PLA2G5: variants seen among roughly 807,000 people sequenced by gnomAD.
The protein encoded by PLA2G5 is Ca2+-dependent phospholipase A2.
A neutral mutation model predicts 15.9 loss-of-function variants in PLA2G5; 12 were observed. The observed-to-expected ratio is 0.76, with a 90% CI of 0.48 to 1.23. The LOEUF is 1.23. Among genes scored for constraint, PLA2G5 ranks in the 50% most tolerant of loss-of-function variants. PLA2G5 has a pLI of 0.00. For missense variants in PLA2G5, 169 were observed against 177.1 expected, an observed-to-expected ratio of 0.95 and a Z score of 0.26; for synonymous variants, 71 against 71.4, an observed-to-expected ratio of 0.99 and a Z score of 0.03.
intron 1 of PLA2G5, among the ~76,000 whole-genome samples, chr1:20,049,422 T>G (rs1265279994): frequency 2.7e-5 from 4 of 150,692 alleles, no homozygotes; most frequent in Admixed American, 2.0e-4. Context: ...TCTTAATAAA[T>G]TATAAGAGCT....
upstream of PLA2G5, among the ~76,000 whole-genome samples, chr1:20,065,443 C>G (rs570022956): frequency 6.6e-6 from 1 of 152,194 alleles, no homozygotes; most frequent in African/African-American, 2.4e-5. Context: ...CCTCCCAAAC[C>G]CCTGGCAACC....
chr1:20,060,237 C>CT (rs2014640818), intron 2 of PLA2G5, among the ~76,000 whole-genome samples: 1 of 130,990 alleles, frequency 7.6e-6, no homozygotes, highest in Non-Finnish European at 1.6e-5. Context: ...TACTGACTTT[C>CT]TTTTTTCTTC....
At chr1:20,042,378 G>A (rs1450645841) in intron 1 of PLA2G5, among the ~76,000 whole-genome samples, 1 of 152,104 alleles carries the variant, frequency 6.6e-6, no homozygotes, top group Non-Finnish European at 1.5e-5. Context: ...CAGCCGTGGG[G>A]GTCAGGTGTG....
chr1:20,085,982 C>G (rs554603444), intron 2 of PLA2G5, 101 bp from the exon 3 acceptor site: 1 of 1,265,412 alleles, frequency 7.9e-7, no homozygotes, highest in Non-Finnish European at 1.1e-6. Context: ...GCAGGTCCCT[C>G]CAAGCCCTGG....
At position 20,090,828 on chromosome 1, in the gene PLA2G5, C is replaced by T; in HGVS notation, c.*136C>T. Reference sequence around the variant, plus strand: ...TCTTTCTCGAAGCTTGGCGGACCCCCAGGGCCACACTGTACCCTCCAGCGA... The same window carrying T: ...TCTTTCTCGAAGCTTGGCGGACCCCTAGGGCCACACTGTACCCTCCAGCGA... On this transcript the variant is annotated 3_prime_UTR_variant, in exon 5 of 5. Coordinates refer to ENST00000375108, the MANE Select transcript of PLA2G5 (RefSeq NM_000929.3). 2.3e-6 allele frequency: 2 copies of T among 861,756 alleles called. No individual in the cohort carries two copies. The highest frequency in any genetic ancestry group is 2.5e-5 in the East Asian group (1 of 40,488). 53.4% of individuals were successfully genotyped at this position (861,756 alleles called of 1,614,324 possible).
intron 1 of PLA2G5, among the ~76,000 whole-genome samples, chr1:20,043,126 C>CT (rs2013709267): frequency 6.6e-6 from 1 of 151,878 alleles, no homozygotes; most frequent in Admixed American, 6.6e-5. Flanking sequence ...CAAAGAGGGG[C>CT]TGGGATGAGG....
intron 1 of PLA2G5, among the ~76,000 whole-genome samples, chr1:20,030,254 A>G (rs2012847068): frequency 6.6e-6 from 1 of 151,918 alleles, no homozygotes; most frequent in South Asian, 2.1e-4. Context: ...GCAGGACTAT[A>G]GGGTAATGGT....
At chr1:20,072,257 G>A (rs887297227) in intron 1 of PLA2G5, among the ~76,000 whole-genome samples, 1 of 151,956 alleles carries the variant, frequency 6.6e-6, no homozygotes, top group African/African-American at 2.4e-5. Flanking sequence ...TTACTTATTC[G>A]CTTGTCTATT....
At chr1:20,067,620 A>G (rs1415727605), upstream of PLA2G5, among the ~76,000 whole-genome samples, 1 of 151,882 alleles carries the variant, frequency 6.6e-6, no homozygotes, top group Admixed American at 6.6e-5. Flanking sequence ...CCTGGGAGGC[A>G]GAGGTTGCAG....
chr1:20,031,329 T>TA (rs1479117720), intron 1 of PLA2G5, among the ~76,000 whole-genome samples: 1 of 151,972 alleles, frequency 6.6e-6, no homozygotes, highest in Non-Finnish European at 1.5e-5. Context: ...ATTTAAGAGG[T>TA]AATGTATGAA....
chr1:20,078,874 G>A (rs1418083547), intron 1 of PLA2G5, among the ~76,000 whole-genome samples: 3 of 152,000 alleles, frequency 2.0e-5, no homozygotes, highest in South Asian at 4.2e-4. Context: ...TGGGAGGCAC[G>A]GGTGAGAGGA....
Position 20,090,573 on chromosome 1 carries a change from G to A in PLA2G5, c.298G>A (p.Gly100Arg), listed in dbSNP as rs781327560. ...FAWGVVTCEP[G>R]PFCHVNLCAC... ...CTCTTGGTGTCCTTTTGCAGAGCCC[G>A]GGCCCTTCTGCCATGTGAACCTCTG... Residue 100 changes from glycine (G) to arginine (R), a missense_variant, in exon 5 of 5, where the codon GGG becomes AGG. Physicochemically the swap from Gly to Arg is moderately radical, Grantham distance 125. Transcript: ENST00000375108. 21 of 1,613,900 alleles carry A rather than the reference G, an allele frequency of 1.3e-5. No homozygotes were observed. The highest frequency in any genetic ancestry group is 1.7e-5 in the Non-Finnish European group (20 of 1,179,960).
chr1:20,073,377 G>C (rs573401273), intron 1 of PLA2G5, among the ~76,000 whole-genome samples: 15 of 152,204 alleles, frequency 9.9e-5, no homozygotes, highest in Admixed American at 2.0e-4. Context: ...AGTTGAACTT[G>C]AGCCTGTTAT....
intron 1 of PLA2G5, among the ~76,000 whole-genome samples, chr1:20,041,338 T>A (rs1199433513): frequency 2.0e-5 from 3 of 152,192 alleles, no homozygotes; most frequent in African/African-American, 7.2e-5. Flanking sequence ...GAAATAAAGC[T>A]TTTTAATCAC....
chr1:20,031,092 G>A (rs1352103155), intron 1 of PLA2G5, among the ~76,000 whole-genome samples: 1 of 152,216 alleles, frequency 6.6e-6, no homozygotes, highest in Non-Finnish European at 1.5e-5. Flanking sequence ...TGGAGAGACA[G>A]AGAGAGGGAG....
chr1:20,082,364 T>A (rs1297938557), intron 1 of PLA2G5, among the ~76,000 whole-genome samples: 1 of 151,678 alleles, frequency 6.6e-6, no homozygotes, highest in Admixed American at 6.6e-5. Flanking sequence ...TTGACTGTAG[T>A]TGTACGCATG....
chr1:20,029,115 T>C (rs1273387580), intron 1 of PLA2G5, among the ~76,000 whole-genome samples: 2 of 152,190 alleles, frequency 1.3e-5, no homozygotes, highest in African/African-American at 2.4e-5. Flanking sequence ...GGATCACACA[T>C]GGGCTTGGAA....
upstream of PLA2G5, among the ~76,000 whole-genome samples, chr1:20,068,185 T>A (rs2015151029): frequency 2.0e-5 from 3 of 152,142 alleles, no homozygotes; most frequent in African/African-American, 7.2e-5. Flanking sequence ...ACTGGGCTGT[T>A]CAACAAAAGG....
At chr1:20,074,786 G>A (rs2015579993) in intron 1 of PLA2G5, among the ~76,000 whole-genome samples, 1 of 152,214 alleles carries the variant, frequency 6.6e-6, no homozygotes, top group Non-Finnish European at 1.5e-5. Context: ...TCCGTGCCTG[G>A]TGGGTGTTGG....
Sources: allele counts gnomAD v4.1 joint callset (sites outside exome capture counted in the v4.1 genomes callset), GRCh38; gene constraint gnomAD v4.1.1; transcripts MANE v1.5; gene names NCBI Gene and HGNC (gene_info 2026-07-23, HGNC 2026-07-21).